Variants in ASCC3 observed in about 807,000 individuals in gnomAD.
ASCC3 encodes ASC-1 complex subunit P200.
ASCC3 carries 158 observed loss-of-function variants against 256.3 expected under a neutral mutation model. The ratio of observed to expected loss-of-function variants is 0.62; its 90% CI spans 0.54 to 0.70. ASCC3 has a LOEUF of 0.70. Ranked by LOEUF, ASCC3 falls within the 30% of genes least tolerant of loss-of-function variation. The pLI is 0.00. For synonymous variants in ASCC3, 948 were observed against 883.4 expected (o/e 1.07, Z -1.30); for missense variants, 2,259 against 2,626.0 (o/e 0.86, Z 3.05).
chr6:100,654,558 T>A (rs769282551), intron 17 of ASCC3, among the ~76,000 whole-genome samples: 19 of 152,126 alleles, frequency 1.2e-4, no homozygotes, highest in Non-Finnish European at 2.2e-4. Flanking sequence ...CCCATATTTG[T>A]GATGGGAATA....
At chr6:100,741,384 T>C (rs927008063) in intron 10 of ASCC3, among the ~76,000 whole-genome samples, 3 of 152,172 alleles carry the variant, frequency 2.0e-5, no homozygotes, top group Admixed American at 6.5e-5. Flanking sequence ...TCATGGATTA[T>C]CTTAGTAGGG....
chr6:100,693,374 C>T (rs1777927311), intron 13 of ASCC3, among the ~76,000 whole-genome samples: 1 of 151,022 alleles, frequency 6.6e-6, no homozygotes, highest in Non-Finnish European at 1.5e-5. Context: ...GGTGGAAAGG[C>T]TGTGGGAAAA....
chr6:100,829,344 C>G (rs1771501264), intron 4 of ASCC3, among the ~76,000 whole-genome samples: 1 of 151,804 alleles, frequency 6.6e-6, no homozygotes, highest in Admixed American at 6.6e-5. Context: ...GAGGCTCAGG[C>G]ATGGCGGGCT....
At chr6:100,806,044 A>G (rs1410506569) in intron 4 of ASCC3, among the ~76,000 whole-genome samples, 164 bp from the exon 5 acceptor site, 4 of 152,064 alleles carry the variant, frequency 2.6e-5, no homozygotes, top group Non-Finnish European at 4.4e-5. Flanking sequence ...GACTCTTCAC[A>G]TTGCCAAGAA....
chr6:100,601,985 A>G (rs772002858), intron 33 of ASCC3, 50 bp from the exon 34 acceptor site: 1 of 1,592,342 alleles, frequency 6.3e-7, no homozygotes, highest in Non-Finnish European at 8.6e-7. Flanking sequence ...TAAACTAAAA[A>G]CACTGAAATT....
chr6:100,540,876 A>G (rs912352367), intron 36 of ASCC3, among the ~76,000 whole-genome samples: 3 of 152,118 alleles, frequency 2.0e-5, no homozygotes, highest in African/African-American at 7.2e-5. Context: ...GGCTGGAGAA[A>G]GGGGCAAGGA....
intron 3 of ASCC3, chr6:100,856,987 T>C (rs889357687): frequency 2.0e-5 from 3 of 152,134 alleles, no homozygotes; most frequent in Admixed American, 6.6e-5. Context: ...CCAACCACAG[T>C]AGGTAATAGT....
chr6:100,512,891 C>G lies in ASCC3; in HGVS notation c.6103G>C (p.Val2035Leu), dbSNP rs766979450. 6.2e-7 allele frequency: 1 copy of G among 1,613,718 alleles called. No individual in the cohort carries two copies. Among genetic ancestry groups the G allele is most frequent in the African/African-American group, 1.3e-5 (1 of 74,890 alleles). ...TTAACACTTATGCCAACATTTATCA[C>G]TGGCAAGTGAGATAAGAAATTCCAT... ...QAWNFLSHLP[V>L]INVGISVKGS... The change falls in exon 40 of 42, where the codon GTG becomes CTG. Residue 2035 changes from valine (V) to leucine (L), a missense_variant. By Grantham distance (32) the Val-to-Leu change is conservative (BLOSUM62 1). Transcript: ENST00000369162.
At chr6:100,862,887 A>C (rs1171608664) in intron 3 of ASCC3, among the ~76,000 whole-genome samples, 1 of 152,212 alleles carries the variant, frequency 6.6e-6, no homozygotes, top group Non-Finnish European at 1.5e-5. Context: ...AATGACAAAA[A>C]GGGATCTACC....
chr6:100,576,662 C>G (rs1400071069), intron 36 of ASCC3, among the ~76,000 whole-genome samples: 1 of 151,638 alleles, frequency 6.6e-6, no homozygotes. Flanking sequence ...GTAGTGGGTT[C>G]TCAGTAAAAA....
intron 4 of ASCC3, among the ~76,000 whole-genome samples, chr6:100,827,850 C>G (rs775959765): frequency 6.6e-6 from 1 of 151,774 alleles, no homozygotes; most frequent in African/African-American, 2.4e-5. Flanking sequence ...TTTGTGTCTA[C>G]TAAGCATACA....
chr6:100,874,480 A>G (rs757660760), intron 1 of ASCC3, among the ~76,000 whole-genome samples: 1,527 of 151,284 alleles, frequency 0.01, 24 homozygotes, highest in Non-Finnish European at 0.013. Context: ...AAAAAAAAAA[A>G]AAAAAACAAC....
intron 40 of ASCC3, among the ~76,000 whole-genome samples, chr6:100,512,049 G>T (rs1372987943): frequency 6.6e-6 from 1 of 151,972 alleles, no homozygotes; most frequent in Admixed American, 6.6e-5. Context: ...TATTCTTAGA[G>T]GACCAGATAA....
intron 24 of ASCC3, among the ~76,000 whole-genome samples, chr6:100,639,045 C>G (rs1774985541): frequency 6.6e-6 from 1 of 152,114 alleles, no homozygotes; most frequent in Non-Finnish European, 1.5e-5. Flanking sequence ...GGGGAGTGCC[C>G]TATAAGCCAA....
intron 4 of ASCC3, among the ~76,000 whole-genome samples, chr6:100,823,701 C>G (rs1027353042): frequency 2.0e-5 from 3 of 151,938 alleles, no homozygotes; most frequent in Non-Finnish European, 4.4e-5. Flanking sequence ...AAAAATCAAC[C>G]AAAAGACTCA....
intron 30 of ASCC3, among the ~76,000 whole-genome samples, chr6:100,612,824 G>A (rs890688435): frequency 4.6e-5 from 7 of 151,796 alleles, no homozygotes; most frequent in Non-Finnish European, 7.4e-5. Context: ...TTTATACTTC[G>A]TTGCTCTTTC....
intron 13 of ASCC3, among the ~76,000 whole-genome samples, chr6:100,705,498 A>G (rs567128814): frequency 1.3e-5 from 2 of 152,158 alleles, no homozygotes; most frequent in South Asian, 2.1e-4. Flanking sequence ...TCGAATGGAC[A>G]TGTATTTCAG....
intron 8 of ASCC3, among the ~76,000 whole-genome samples, chr6:100,784,557 A>G (rs1782602608): frequency 1.3e-5 from 2 of 152,096 alleles, no homozygotes; most frequent in Non-Finnish European, 1.5e-5. Flanking sequence ...ATCACGGTAG[A>G]TAAGAATGAA....
chr6:100,679,026 T>C (rs190483113), intron 14 of ASCC3, among the ~76,000 whole-genome samples: 2 of 152,182 alleles, frequency 1.3e-5, no homozygotes, highest in South Asian at 2.1e-4. Flanking sequence ...CTGTAATGTA[T>C]ACAAAATCAC....
Sources: gnomAD v4.1 joint callset for allele counts (sites outside exome capture counted in the v4.1 genomes callset) on GRCh38, gnomAD v4.1.1 for gene constraint, MANE v1.5 for transcripts, NCBI Gene and HGNC (gene_info 2026-07-23, HGNC 2026-07-21) for gene names.